Variants in PLA2G2C observed in about 807,000 individuals in gnomAD.
PLA2G2C encodes putative inactive group IIC secretory phospholipase A2.
Under a neutral mutation model 14.3 loss-of-function variants are expected in PLA2G2C, and 15 were observed. The ratio of observed to expected loss-of-function variants is 1.05; its 90% CI spans 0.70 to 1.62. PLA2G2C has a LOEUF of 1.62. Among genes scored for constraint, PLA2G2C ranks in the 40% most tolerant of loss-of-function variants. The probability of loss-of-function intolerance (pLI) is 0.00; values close to 1 mark genes in which losing one functional copy is unlikely to be tolerated. For synonymous variants in PLA2G2C, 79 were observed against 67.7 expected, an observed-to-expected ratio of 1.17 and a Z score of -0.82; for missense variants, 162 against 173.2, an observed-to-expected ratio of 0.94 and a Z score of 0.36.
At chr1:20,175,189 G>A (rs1189833908) in intron 2 of PLA2G2C, 44 bp from the exon 3 acceptor site, 5 of 1,613,546 alleles carry the variant, frequency 3.1e-6, no homozygotes, top group Non-Finnish European at 4.2e-6. Context: ...AAGTTGCAAT[G>A]AGCATGATGC....
At chr1:20,164,690 C>T (rs1268114149) in intron 4 of PLA2G2C, among the ~76,000 whole-genome samples, 2 of 152,222 alleles carry the variant, frequency 1.3e-5, no homozygotes, top group Non-Finnish European at 2.9e-5. Context: ...CAACTTGAGG[C>T]GTTCACAAGG....
At chr1:20,170,451 G>A (rs557036201) in intron 4 of PLA2G2C, among the ~76,000 whole-genome samples, 26 of 152,318 alleles carry the variant, frequency 1.7e-4, no homozygotes, top group Admixed American at 1.5e-3. Flanking sequence ...CAGGGACTGG[G>A]TCTGCTTTAT....
chr1:20,183,191 A>G (rs1450780596), intron 1 of PLA2G2C, among the ~76,000 whole-genome samples: 1 of 152,222 alleles, frequency 6.6e-6, no homozygotes, highest in Non-Finnish European at 1.5e-5. Flanking sequence ...CAGCCGCACA[A>G]CAATCCTGTG....
intron 3 of PLA2G2C, 95 bp downstream of exon 3, chr1:20,174,912 T>G (rs2018151756): frequency 7.9e-7 from 1 of 1,258,520 alleles, no homozygotes; most frequent in Admixed American, 2.7e-5. Context: ...TTTCTGTTAT[T>G]TGCCAGGCAA....
At position 20,164,154 on chromosome 1, in the gene PLA2G2C, C is replaced by A. The variant is rs1232765532; in HGVS notation, c.287G>T (p.Gly96Val). Reference protein sequence around the residue: ...FHIVNGAVVCGCTLGPGASCH... With the variant: ...FHIVNGAVVCVCTLGPGASCH... The stretch of plus-strand genomic sequence containing the variant: ...GCTGGCACCAGGACCAAGGGTGCAT[C>A]CACCTACAGAGACACAGAGGGTCAC... Residue 96 changes from glycine to valine, a missense_variant, in exon 5 of 5, where the codon GGA (glycine) becomes GTA (valine). Physicochemically the swap from Gly to Val is moderately radical, Grantham distance 109. Coordinates refer to ENST00000679259, the MANE Select transcript of PLA2G2C (RefSeq NM_001367969.2). 1.2e-6 allele frequency: 2 copies of A among 1,612,174 alleles called. No individual in the cohort carries two copies. The highest frequency in any genetic ancestry group is 2.2e-5 in the East Asian group (1 of 44,862).
chr1:20,173,646 T>A (rs1376164934), intron 3 of PLA2G2C, among the ~76,000 whole-genome samples: 1 of 152,070 alleles, frequency 6.6e-6, no homozygotes, highest in Non-Finnish European at 1.5e-5. Flanking sequence ...GCACCCAGAG[T>A]TGGCTGGGGG....
chr1:20,179,196 C>T (rs2018236029), intron 1 of PLA2G2C, among the ~76,000 whole-genome samples: 1 of 147,848 alleles, frequency 6.8e-6, no homozygotes, highest in African/African-American at 2.6e-5. Context: ...TCAACTTCCC[C>T]TCTATGTCAG....
intron 2 of PLA2G2C, 135 bp from the exon 3 acceptor site, chr1:20,175,280 T>C (rs1344925240): frequency 2.0e-5 from 26 of 1,289,704 alleles, no homozygotes; most frequent in Non-Finnish European, 2.5e-5. Context: ...GCAAGGGGCA[T>C]GGCTGGAATC....
At position 20,165,214 on chromosome 1, in the gene PLA2G2C, T is replaced by C. The variant is rs117301238; in HGVS notation, c.284-1057A>G. Among the ~76,000 whole-genome samples, 220 of 152,210 alleles carry C rather than the reference T, an allele frequency of 1.4e-3. 7 individuals carry two copies. The East Asian group carries it at 0.037, about 26-fold the overall frequency. On this transcript the variant is annotated intron_variant, in intron 4 of 4. Transcript: ENST00000679259. ...TGGGCCTTTGGACTTGCTGTTCTTT[T>C]TGTCTAAAATGCTTCTCCCCAGGAT...
At chr1:20,168,342 G>T (rs1188242435) in intron 4 of PLA2G2C, among the ~76,000 whole-genome samples, 1 of 152,200 alleles carries the variant, frequency 6.6e-6, no homozygotes, top group Admixed American at 6.5e-5. Flanking sequence ...TAGGAGCTGG[G>T]GGCACAGGTG....
chr1:20,182,942 G>A (rs1449093172), intron 1 of PLA2G2C, among the ~76,000 whole-genome samples: 1 of 152,248 alleles, frequency 6.6e-6, no homozygotes, highest in Non-Finnish European at 1.5e-5. Flanking sequence ...ATACCAGTTA[G>A]CAGCTTGCTG....
chr1:20,171,584 C>T (rs2018074522), intron 4 of PLA2G2C, among the ~76,000 whole-genome samples: 2 of 152,048 alleles, frequency 1.3e-5, no homozygotes, highest in South Asian at 2.1e-4. Flanking sequence ...ATGTATCTCC[C>T]GCCATAGGGG....
chr1:20,185,040 G>A (rs1017702805), intron 1 of PLA2G2C, among the ~76,000 whole-genome samples: 1 of 152,166 alleles, frequency 6.6e-6, no homozygotes, highest in African/African-American at 2.4e-5. Flanking sequence ...TGTAGTCCCA[G>A]CTACAAGGGA....
At chr1:20,166,058 G>A (rs1365918514) in intron 4 of PLA2G2C, among the ~76,000 whole-genome samples, 1 of 152,222 alleles carries the variant, frequency 6.6e-6, no homozygotes, top group Non-Finnish European at 1.5e-5. Context: ...GGTCACTGGT[G>A]TCTACCGACA....
chr1:20,183,592 C>G (rs573686963), intron 1 of PLA2G2C, among the ~76,000 whole-genome samples: 2 of 152,292 alleles, frequency 1.3e-5, no homozygotes, highest in Admixed American at 6.5e-5. Flanking sequence ...GTGCACAGCA[C>G]CATCTTGGGC....
chr1:20,183,067 T>A (rs2018299688), intron 1 of PLA2G2C, among the ~76,000 whole-genome samples: 1 of 152,202 alleles, frequency 6.6e-6, no homozygotes, highest in Non-Finnish European at 1.5e-5. Context: ...ACAGGCAAGT[T>A]CCTGCCTTCA....
chr1:20,176,463 G>T (rs1479790902), intron 2 of PLA2G2C, among the ~76,000 whole-genome samples: 3 of 152,200 alleles, frequency 2.0e-5, no homozygotes, highest in African/African-American at 7.2e-5. Context: ...AAGAGAAACA[G>T]AAATAGAGTT....
At chr1:20,184,801 T>C (rs1569942677) in intron 1 of PLA2G2C, among the ~76,000 whole-genome samples, 1 of 148,466 alleles carries the variant, frequency 6.7e-6, no homozygotes, top group Admixed American at 6.7e-5. Context: ...GGGAGGGAGG[T>C]GGGAGAGGGA....
In PLA2G2C at chr1:20,166,900, A is replaced by T. The variant is rs920780634; in HGVS notation, c.284-2743T>A. ...TCCTCAACCATGGACCGGGCCTGTC[A>T]TGACCTGGATGATGAGACAGCCCCA... On this transcript the variant is annotated intron_variant, in intron 4 of 4. Transcript: ENST00000679259. 2.6e-5 allele frequency among the ~76,000 whole-genome samples: 4 copies of T among 152,286 alleles called. No homozygotes were observed. The South Asian group carries it at 6.2e-4, about 24-fold the overall frequency.
Sources: gnomAD v4.1 joint callset for allele counts (sites outside exome capture counted in the v4.1 genomes callset) on GRCh38, gnomAD v4.1.1 for gene constraint, MANE v1.5 for transcripts, NCBI Gene and HGNC (gene_info 2026-07-23, HGNC 2026-07-21) for gene names.